KCNMA1: variants seen among roughly 807,000 people sequenced by gnomAD.
KCNMA1 encodes Calcium-activated potassium channel subunit alpha-1.
In KCNMA1, 29 loss-of-function variants were observed where a neutral mutation model predicts 140.0. That is an observed-to-expected ratio of 0.21 (90% CI 0.15 to 0.28). KCNMA1 has a LOEUF of 0.28. Among genes scored for constraint, KCNMA1 ranks in the 10% least tolerant of loss-of-function variants. The pLI is 1.00. For missense variants in KCNMA1, 880 were observed against 1,602.2 expected, an observed-to-expected ratio of 0.55 and a Z score of 7.70; for synonymous variants, 612 against 611.9, an observed-to-expected ratio of 1.00 and a Z score of 0.00.
chr10:77,387,674 G>A (rs1014580026), intron 2 of KCNMA1, among the ~76,000 whole-genome samples: 4 of 148,462 alleles, frequency 2.7e-5, no homozygotes, highest in African/African-American at 5.1e-5. Flanking sequence ...TTGGAGTCCA[G>A]TAGCGTGATC....
At chr10:77,598,763 G>T (rs1367901395) in intron 1 of KCNMA1, among the ~76,000 whole-genome samples, 1 of 152,094 alleles carries the variant, frequency 6.6e-6, no homozygotes, top group South Asian at 2.1e-4. Flanking sequence ...TCCCTGCCCC[G>T]CATCCAGTGC....
At chr10:77,177,345 CCTTCCTTTCCTTCCTTG>C (rs2098760317) in intron 5 of KCNMA1, among the ~76,000 whole-genome samples, 2 of 146,692 alleles carry the variant, frequency 1.4e-5, no homozygotes, top group South Asian at 2.2e-4. Context: ...TTCCTTTCTT[CCTTCCTTTCCTTCCTTG>C]CTTCCTTTCT....
At chr10:77,248,010 G>T (rs1203426503) in intron 3 of KCNMA1, among the ~76,000 whole-genome samples, 1 of 152,024 alleles carries the variant, frequency 6.6e-6, no homozygotes, top group Non-Finnish European at 1.5e-5. Context: ...CCCTATGCTG[G>T]GATCTGTCTT....
At chr10:77,462,000 T>A (rs1203434662) in intron 1 of KCNMA1, among the ~76,000 whole-genome samples, 1 of 151,636 alleles carries the variant, frequency 6.6e-6, no homozygotes, top group Admixed American at 6.6e-5. Context: ...GACACACAAA[T>A]TCAGACACAC....
intron 5 of KCNMA1, among the ~76,000 whole-genome samples, chr10:77,169,942 G>A (rs534831282): frequency 1.3e-5 from 2 of 152,306 alleles, no homozygotes; most frequent in African/African-American, 4.8e-5. Flanking sequence ...CTGTATCCCA[G>A]TACTTTGGGA....
At chr10:77,383,005 T>C (rs1236050938) in intron 2 of KCNMA1, among the ~76,000 whole-genome samples, 1 of 64,844 alleles carries the variant, frequency 1.5e-5, no homozygotes, top group Non-Finnish European at 3.1e-5. Flanking sequence ...TATATATATA[T>C]ATATATATAT....
At chr10:77,264,133 T>C (rs2062769359) in intron 2 of KCNMA1, among the ~76,000 whole-genome samples, 1 of 152,142 alleles carries the variant, frequency 6.6e-6, no homozygotes, top group African/African-American at 2.4e-5. Context: ...TCTGCATGTG[T>C]ATTCGCGCAA....
chr10:77,528,852 A>G (rs2056755339), intron 1 of KCNMA1, among the ~76,000 whole-genome samples: 1 of 152,154 alleles, frequency 6.6e-6, no homozygotes, highest in African/African-American at 2.4e-5. Flanking sequence ...AAAAGGCCAC[A>G]TATCCTATCA....
intron 1 of KCNMA1, among the ~76,000 whole-genome samples, chr10:77,510,758 A>G (rs2048083040): frequency 6.6e-6 from 1 of 152,132 alleles, no homozygotes; most frequent in Admixed American, 6.5e-5. Context: ...TGACAGCGCC[A>G]CTGCACTCCA....
At chr10:77,064,305 T>C (rs2095856749) in intron 14 of KCNMA1, among the ~76,000 whole-genome samples, 1 of 152,176 alleles carries the variant, frequency 6.6e-6, no homozygotes, top group Admixed American at 6.5e-5. Context: ...ATCATGTACA[T>C]TTGCTTTTGA....
chr10:77,573,680 A>G (rs959817864), intron 1 of KCNMA1, among the ~76,000 whole-genome samples: 2 of 148,904 alleles, frequency 1.3e-5, no homozygotes, highest in East Asian at 4.0e-4. Flanking sequence ...ATAGAATAGA[A>G]TAGAATAGAA....
At chr10:77,125,831 G>A (rs924503899) in intron 5 of KCNMA1, among the ~76,000 whole-genome samples, 14 of 152,164 alleles carry the variant, frequency 9.2e-5, no homozygotes, top group African/African-American at 2.7e-4. Context: ...ATTAGACGGC[G>A]GAGTTAAAGG....
chr10:77,182,122 A>G (rs1289300747), intron 5 of KCNMA1, among the ~76,000 whole-genome samples: 1 of 152,240 alleles, frequency 6.6e-6, no homozygotes, highest in Non-Finnish European at 1.5e-5. Context: ...CAATGTCTGC[A>G]CAAAAGAAAA....
At chr10:77,319,323 G>A (rs2081705668) in intron 2 of KCNMA1, among the ~76,000 whole-genome samples, 1 of 152,150 alleles carries the variant, frequency 6.6e-6, no homozygotes, top group South Asian at 2.1e-4. Flanking sequence ...ACAGACTGTT[G>A]AAGATTTCAC....
At chr10:76,906,661 T>C (rs770141235) in intron 25 of KCNMA1, among the ~76,000 whole-genome samples, 2 of 152,218 alleles carry the variant, frequency 1.3e-5, no homozygotes, top group Non-Finnish European at 2.9e-5. Flanking sequence ...TATGAGTGAA[T>C]GCCTGCAATG....
intron 1 of KCNMA1, among the ~76,000 whole-genome samples, chr10:77,426,966 A>G (rs532397737): frequency 6.6e-6 from 1 of 152,350 alleles, no homozygotes; most frequent in South Asian, 2.1e-4. Flanking sequence ...CAATACCTAC[A>G]CTATTACATG....
chr10:77,045,142 T>C (rs1240850533), intron 14 of KCNMA1, among the ~76,000 whole-genome samples: 1 of 152,236 alleles, frequency 6.6e-6, no homozygotes, highest in Non-Finnish European at 1.5e-5. Flanking sequence ...TTTCCTAAAA[T>C]AGTACATGCT....
chr10:77,550,862 G>A (rs945840465), intron 1 of KCNMA1, among the ~76,000 whole-genome samples: 2 of 152,090 alleles, frequency 1.3e-5, no homozygotes, highest in Admixed American at 1.3e-4. Context: ...GCAGTACATG[G>A]GCCCTAGCCC....
chr10:77,158,349 T>C (rs2098513384), intron 5 of KCNMA1, among the ~76,000 whole-genome samples: 1 of 152,126 alleles, frequency 6.6e-6, no homozygotes, highest in South Asian at 2.1e-4. Flanking sequence ...CTCATCTCCT[T>C]ATTATAGGTG....
Sources: gnomAD v4.1 joint callset for allele counts (sites outside exome capture counted in the v4.1 genomes callset) on GRCh38, gnomAD v4.1.1 for gene constraint, MANE v1.5 for transcripts, NCBI Gene and HGNC (gene_info 2026-07-23, HGNC 2026-07-21) for gene names.